The following ACSM2A variants were observed in gnomAD, a reference collection of about 807,000 sequenced individuals.
ACSM2A encodes acyl-CoA synthetase medium chain family member 2A, also known as acyl-coenzyme A synthetase ACSM2A, mitochondrial.
A neutral mutation model predicts 76.6 loss-of-function variants in ACSM2A; 72 were observed. That is an observed-to-expected ratio of 0.94 (90% CI 0.78 to 1.14). The LOEUF (loss-of-function observed/expected upper bound fraction) is 1.14, where lower values mean the gene tolerates loss of function less well. Ranked by LOEUF, ACSM2A falls within the 50% of genes most tolerant of loss-of-function variation. The pLI, the probability that ACSM2A is intolerant of heterozygous loss-of-function variation, is 0.00. For synonymous variants in ACSM2A, 249 were observed against 255.9 expected, an observed-to-expected ratio of 0.97 and a Z score of 0.26; for missense variants, 684 against 708.5, an observed-to-expected ratio of 0.97 and a Z score of 0.39.
chr16:20,480,108 C>T (rs573078787), intron 10 of ACSM2A, among the ~76,000 whole-genome samples: 1 of 152,306 alleles, frequency 6.6e-6, no homozygotes, highest in East Asian at 1.9e-4. Context: ...ACGGACCCAG[C>T]TATTGTAGAA....
intron 3 of ACSM2A, among the ~76,000 whole-genome samples, chr16:20,466,586 G>C (rs950271460): frequency 2.6e-5 from 4 of 152,220 alleles, no homozygotes; most frequent in Admixed American, 2.6e-4. Flanking sequence ...AGGATGCTTT[G>C]GCTTCCAAGG....
chr16:20,464,017 A>G (rs1037149006), intron 2 of ACSM2A, among the ~76,000 whole-genome samples: 15 of 152,186 alleles, frequency 9.9e-5, no homozygotes, highest in Admixed American at 2.6e-4. Flanking sequence ...GGCTATGAAC[A>G]CAATGCAGCC....
intron 1 of ACSM2A, among the ~76,000 whole-genome samples, chr16:20,455,087 C>A (rs1029594814): frequency 8.0e-6 from 1 of 125,706 alleles, no homozygotes. Flanking sequence ...TAGCCAAATC[C>A]AACAAAGACA....
chr16:20,475,413 C>G lies in ACSM2A; in HGVS notation c.946C>G (p.Arg316Gly). ...TATGATGGGTGCCCCCATTGTTTAC[C>G]GGATGTTGCTACAGCAGGATCTTTC... Reference protein sequence around the residue: ...KSMMGAPIVYRMLLQQDLSSY... With the variant: ...KSMMGAPIVYGMLLQQDLSSY... Residue 316 changes from arginine (R) to glycine (G), a missense_variant, in exon 7 of 14, where the codon CGG becomes GGG. Transcript: ENST00000573854. The G allele has an allele frequency of 1.2e-6, 2 of 1,613,716 alleles. No individual in the cohort carries two copies. Among genetic ancestry groups the G allele is most frequent in the Non-Finnish European group, 1.7e-6 (2 of 1,179,746 alleles).
chr16:20,485,364 T>C (rs568209634), intron 13 of ACSM2A, among the ~76,000 whole-genome samples: 13 of 152,268 alleles, frequency 8.5e-5, no homozygotes, highest in African/African-American at 2.6e-4. Context: ...ACCTTCCCCC[T>C]CCTTCCACCA....
chr16:20,465,195 C>T (rs1376957369), intron 2 of ACSM2A, among the ~76,000 whole-genome samples: 2 of 152,048 alleles, frequency 1.3e-5, no homozygotes, highest in Admixed American at 1.3e-4. Context: ...TGCCACTTTC[C>T]TCATTATTTT....
chr16:20,457,688 G>A lies in ACSM2A; in HGVS notation c.-8-2419G>A, dbSNP rs534558263. ...CCTTAATGTAATAAAAGCCATCTAT[G>A]ATAAACCCACAGGCAACATAATAGT... On this transcript the variant is annotated intron_variant, in intron 1 of 13. Transcript: ENST00000573854. Among the ~76,000 whole-genome samples, 3 of 152,188 alleles carry A rather than the reference G, an allele frequency of 2.0e-5. No individual in the cohort carries two copies. In the East Asian group the frequency reaches 5.8e-4, roughly 29 times the overall value.
At chr16:20,472,120 G>A (rs550047168) in intron 6 of ACSM2A, among the ~76,000 whole-genome samples, 33 of 152,176 alleles carry the variant, frequency 2.2e-4, no homozygotes, top group African/African-American at 7.7e-4. Context: ...ACAAACTGAA[G>A]GTAAAGTACA....
intron 13 of ACSM2A, among the ~76,000 whole-genome samples, chr16:20,486,299 T>C (rs1458498857): frequency 6.6e-6 from 1 of 152,368 alleles, no homozygotes; most frequent in East Asian, 1.9e-4. Context: ...GAGAGACTGA[T>C]GTCAAGGCTC....
intron 2 of ACSM2A, among the ~76,000 whole-genome samples, chr16:20,463,248 T>G (rs2012747962): frequency 6.6e-6 from 1 of 150,688 alleles, no homozygotes; most frequent in Admixed American, 6.6e-5. Flanking sequence ...AAAAGAAATA[T>G]CAGGCAAATC....
chr16:20,475,913 C>T (rs2013713919), intron 8 of ACSM2A, 140 bp downstream of exon 8: 1 of 1,505,478 alleles, frequency 6.6e-7, no homozygotes, highest in Non-Finnish European at 8.9e-7. Context: ...GGGACAGGTA[C>T]TGAGTATTGA....
At position 20,460,202 on chromosome 16, in the gene ACSM2A, C is replaced by T. The variant is rs758752395; in HGVS notation, c.88C>T (p.Leu30=). ...SRTLYINSRQ[L]VSLQWGHQEV... ...CACTCTCTACATTAATAGTAGGCAA[C>T]TGGTGTCCCTGCAGTGGGGCCACCA... is the stretch of plus-strand genomic sequence containing the variant. Residue 30 remains leucine, a synonymous_variant, in exon 2 of 14, where the codon CTG becomes TTG. Coordinates refer to ENST00000573854, the MANE Select transcript of ACSM2A (RefSeq NM_001308172.2). The T allele has an allele frequency of 1.9e-6, 3 of 1,613,586 alleles. No homozygotes were observed. In the Admixed American group the frequency reaches 5.0e-5, roughly 27 times the overall value.
chr16:20,479,149 G>A (rs1013228491), intron 10 of ACSM2A, among the ~76,000 whole-genome samples: 1 of 151,794 alleles, frequency 6.6e-6, no homozygotes, highest in Non-Finnish European at 1.5e-5. Flanking sequence ...CTTGAATCTG[G>A]CCACCTCACT....
chr16:20,472,453 C>T (rs1041224882), intron 6 of ACSM2A, among the ~76,000 whole-genome samples: 15 of 151,900 alleles, frequency 9.9e-5, no homozygotes, highest in African/African-American at 2.7e-4. Context: ...TGCTTCATTA[C>T]CTTGCATAAT....
At chr16:20,485,388 C>A (rs2014329231) in intron 13 of ACSM2A, among the ~76,000 whole-genome samples, 1 of 152,162 alleles carries the variant, frequency 6.6e-6, no homozygotes, top group Non-Finnish European at 1.5e-5. Flanking sequence ...ACATCCAGTC[C>A]TTTCTACTTC....
At chr16:20,459,263 A>G (rs1241352634) in intron 1 of ACSM2A, among the ~76,000 whole-genome samples, 1 of 152,092 alleles carries the variant, frequency 6.6e-6, no homozygotes, top group African/African-American at 2.4e-5. Context: ...CAAATCACCA[A>G]TAAAGAACTT....
At chr16:20,483,601 A>AAAAAAAAAAAAAAAC in intron 13 of ACSM2A, among the ~76,000 whole-genome samples, 1 of 141,120 alleles carries the variant, frequency 7.1e-6, no homozygotes, top group Admixed American at 7.1e-5. Context: ...AAAAAAAAAA[A>AAAAAAAAAAAAAAAC]AGTCTTTCTA....
chr16:20,464,983 G>A (rs2012888078), intron 2 of ACSM2A, among the ~76,000 whole-genome samples: 1 of 151,058 alleles, frequency 6.6e-6, no homozygotes, highest in African/African-American at 2.4e-5. Context: ...AATAGATAGA[G>A]ATACATATAT....
intron 6 of ACSM2A, among the ~76,000 whole-genome samples, chr16:20,473,619 C>T (rs552870575): frequency 2.6e-5 from 4 of 152,004 alleles, no homozygotes; most frequent in Non-Finnish European, 4.4e-5. Context: ...AATATTTGTG[C>T]CCCCCAAAAC....
Sources: allele counts gnomAD v4.1 joint callset (sites outside exome capture counted in the v4.1 genomes callset), GRCh38; gene constraint gnomAD v4.1.1; transcripts MANE v1.5; gene names NCBI Gene and HGNC (gene_info 2026-07-23, HGNC 2026-07-21).